The following PLEK variants were observed in gnomAD, a reference collection of about 807,000 sequenced individuals.
PLEK encodes the protein platelet 47 kDa protein.
In PLEK, 25 loss-of-function variants were observed where a neutral mutation model predicts 43.9. That is an observed-to-expected ratio of 0.57 (90% CI 0.41 to 0.79). The LOEUF (loss-of-function observed/expected upper bound fraction) is 0.79. Ranked by LOEUF, PLEK falls within the 30% of genes least tolerant of loss-of-function variation. The pLI, the probability that PLEK is intolerant of heterozygous loss-of-function variation, is 0.00. For synonymous variants in PLEK, 152 were observed against 144.4 expected (o/e 1.05, Z -0.38); for missense variants, 396 against 413.3 (o/e 0.96, Z 0.36).
chr2:68,377,144 C>G (rs1673521592), intron 1 of PLEK, among the ~76,000 whole-genome samples: 1 of 152,194 alleles, frequency 6.6e-6, no homozygotes, highest in Non-Finnish European at 1.5e-5. Context: ...TGTATATGTA[C>G]TACACTTTCT....
intron 1 of PLEK, among the ~76,000 whole-genome samples, chr2:68,365,983 C>A (rs912255114): frequency 7.2e-5 from 11 of 152,078 alleles, no homozygotes; most frequent in African/African-American, 2.7e-4. Flanking sequence ...GTGGTAGATG[C>A]ACCATTTTAA....
chr2:68,379,786 T>A (rs1673575314), intron 1 of PLEK, among the ~76,000 whole-genome samples: 1 of 151,436 alleles, frequency 6.6e-6, no homozygotes, highest in South Asian at 2.1e-4. Context: ...TGGGAAATGA[T>A]CTTCTTTTGT....
At chr2:68,367,716 C>T (rs1673310728) in intron 1 of PLEK, among the ~76,000 whole-genome samples, 1 of 152,178 alleles carries the variant, frequency 6.6e-6, no homozygotes, top group African/African-American at 2.4e-5. Context: ...GGGGCCTCCC[C>T]TAGATGTTAA....
intron 5 of PLEK, chr2:68,388,094 A>T (rs1673783160): frequency 3.3e-6 from 1 of 305,086 alleles, no homozygotes; most frequent in East Asian, 5.4e-5. Flanking sequence ...GTGCCTGGTT[A>T]GGAAGATGGA....
At chr2:68,365,817 G>T (rs1439906645) in intron 1 of PLEK, among the ~76,000 whole-genome samples, 1 of 152,056 alleles carries the variant, frequency 6.6e-6, no homozygotes, top group African/African-American at 2.4e-5. Flanking sequence ...GGAAAAAAGT[G>T]ATTAAAGAGT....
At chr2:68,392,043 A>C (rs1673869746) in intron 6 of PLEK, among the ~76,000 whole-genome samples, 1 of 152,006 alleles carries the variant, frequency 6.6e-6, no homozygotes, top group Admixed American at 6.6e-5. Context: ...TGCCCTTAAA[A>C]CTCAGTCTAG....
chr2:68,379,635 T>C (rs1442076641), intron 1 of PLEK, among the ~76,000 whole-genome samples: 1 of 152,118 alleles, frequency 6.6e-6, no homozygotes. Flanking sequence ...TTTGTGGTTC[T>C]TAATGGTGTG....
At chr2:68,367,191 C>A (rs1312527640) in intron 1 of PLEK, among the ~76,000 whole-genome samples, 1 of 151,862 alleles carries the variant, frequency 6.6e-6, no homozygotes, top group Non-Finnish European at 1.5e-5. Flanking sequence ...TTACATCTTC[C>A]ATAATTACTG....
chr2:68,369,616 A>C (rs1673354479), intron 1 of PLEK, among the ~76,000 whole-genome samples: 1 of 151,680 alleles, frequency 6.6e-6, no homozygotes, highest in Non-Finnish European at 1.5e-5. Context: ...GCCATTTTTC[A>C]AATGTATACT....
rs1224642234 is a variant in PLEK, at chr2:68,396,850, C to T, written c.*1034C>T. ...CTCACTGGATGATGGGTTAATACAA[C>T]AACTGCACTGTAAGGACTCAGAGCC... On this transcript the variant is annotated 3_prime_UTR_variant, in exon 9 of 9. Coordinates refer to ENST00000234313, the MANE Select transcript of PLEK (RefSeq NM_002664.3). 3.3e-5 allele frequency: 5 copies of T among 152,228 alleles called. No homozygotes were observed. The highest frequency in any genetic ancestry group is 3.3e-4 in the Admixed American group (5 of 15,284). The allele number at this position is 152,228 out of a possible 1,614,324, so 9.4% of individuals were successfully genotyped here. A position where few individuals can be genotyped will look rare whatever the true frequency, so the allele number is the denominator to read the frequency against.
chr2:68,366,451 C>T (rs1036400160), intron 1 of PLEK, among the ~76,000 whole-genome samples: 6 of 152,220 alleles, frequency 3.9e-5, no homozygotes, highest in African/African-American at 1.2e-4. Flanking sequence ...CCAGAAGGCT[C>T]GGTGATTGCC....
intron 1 of PLEK, among the ~76,000 whole-genome samples, chr2:68,366,281 G>A (rs1313909849): frequency 6.6e-6 from 1 of 152,230 alleles, no homozygotes; most frequent in East Asian, 1.9e-4. Context: ...ATGTGAGTCT[G>A]TTTTAGGCTA....
chr2:68,367,050 GT>G (rs1478180237), intron 1 of PLEK, among the ~76,000 whole-genome samples: 5 of 152,154 alleles, frequency 3.3e-5, no homozygotes. Context: ...TTAATAAATA[GT>G]TTTTAATTAG....
intron 6 of PLEK, among the ~76,000 whole-genome samples, chr2:68,390,288 C>T (rs1673833365): frequency 6.6e-6 from 1 of 152,218 alleles, no homozygotes; most frequent in South Asian, 2.1e-4. Context: ...GTTAAAACTG[C>T]ATGCCAGGCC....
At chr2:68,369,253 G>A (rs1271454433) in intron 1 of PLEK, among the ~76,000 whole-genome samples, 1 of 152,240 alleles carries the variant, frequency 6.6e-6, no homozygotes, top group Non-Finnish European at 1.5e-5. Context: ...TTGAAGTACA[G>A]AGAGGCAAAT....
chr2:68,369,869 A>T (rs1673364131), intron 1 of PLEK, among the ~76,000 whole-genome samples: 1 of 152,252 alleles, frequency 6.6e-6, no homozygotes, highest in Non-Finnish European at 1.5e-5. Flanking sequence ...TTACTTATTT[A>T]ATATGTTTTC....
At chr2:68,382,416 G>T (rs1004485709) in intron 3 of PLEK, 126 bp from the exon 4 acceptor site, 5 of 615,700 alleles carry the variant, frequency 8.1e-6, no homozygotes, top group African/African-American at 1.8e-5. Context: ...AAGCTCAGGG[G>T]ATACCTGGGG....
chr2:68,368,910 A>T (rs11688096), intron 1 of PLEK, among the ~76,000 whole-genome samples: 40,423 of 152,008 alleles, frequency 0.27, 6,424 homozygotes, highest in East Asian at 0.69. Context: ...AAAGCATAGG[A>T]ATCAGGGTGA....
chr2:68,386,044 A>T (rs1421852835), intron 4 of PLEK, among the ~76,000 whole-genome samples: 1 of 151,940 alleles, frequency 6.6e-6, no homozygotes, highest in Non-Finnish European at 1.5e-5. Context: ...TTTTTTTAAG[A>T]CAAAGACTTT....
Sources: gnomAD v4.1 joint callset for allele counts (sites outside exome capture counted in the v4.1 genomes callset) on GRCh38, gnomAD v4.1.1 for gene constraint, MANE v1.5 for transcripts, NCBI Gene and HGNC (gene_info 2026-07-23, HGNC 2026-07-21) for gene names.